The following ARFGEF3 variants were observed in gnomAD, a reference collection of about 807,000 sequenced individuals.
ARFGEF3 encodes the protein brefeldin A-inhibited guanine nucleotide-exchange protein 3.
A neutral mutation model predicts 221.7 loss-of-function variants in ARFGEF3; 96 were observed. The observed-to-expected ratio is 0.43, with a 90% CI of 0.37 to 0.51. The LOEUF is 0.51. ARFGEF3 is among the 20% of genes least tolerant of loss of function. The pLI is 0.00. For synonymous variants in ARFGEF3, 1,145 were observed against 1,126.8 expected (o/e 1.02, Z -0.32); for missense variants, 2,410 against 2,789.9 (o/e 0.86, Z 3.07).
chr6:138,192,414 G>A (rs1295121651), intron 2 of ARFGEF3, among the ~76,000 whole-genome samples: 1 of 152,206 alleles, frequency 6.6e-6, no homozygotes, highest in Non-Finnish European at 1.5e-5. Flanking sequence ...TTGAACCCGG[G>A]AGGTGGAGGT....
At chr6:138,330,962 C>G (rs1401627934) in intron 32 of ARFGEF3, among the ~76,000 whole-genome samples, 1 of 152,206 alleles carries the variant, frequency 6.6e-6, no homozygotes, top group Non-Finnish European at 1.5e-5. Flanking sequence ...AAAGATTGTG[C>G]AATCCTTTGA....
At chr6:138,188,942 A>G (rs982213604) in intron 2 of ARFGEF3, among the ~76,000 whole-genome samples, 4 of 152,234 alleles carry the variant, frequency 2.6e-5, no homozygotes, top group Non-Finnish European at 4.4e-5. Context: ...GATGTTCAGT[A>G]GTTGAAATAC....
At position 138,334,529 on chromosome 6, in the gene ARFGEF3, G is replaced by A; in HGVS notation, c.5683G>A (p.Ala1895Thr). Residue 1895 changes from alanine to threonine, a missense_variant, in exon 33 of 34, where the codon GCA becomes ACA. Ala to Thr is a moderately conservative substitution (Grantham distance 58). Transcript: ENST00000251691. The surrounding 1 kb of genome is among the most constrained non-coding windows in gnomAD (Gnocchi z 5.1). ...PLLSVQPVSN[A>T]DWVWLVKRLH... Reference sequence around the variant, plus strand: ...GCTCAGCGTCCAGCCTGTCAGCAACGCAGATTGGGTGTGGCTGGTCAAGAG... The same window carrying A: ...GCTCAGCGTCCAGCCTGTCAGCAACACAGATTGGGTGTGGCTGGTCAAGAG... 1.9e-6 allele frequency: 3 copies of A among 1,613,148 alleles called. No individual in the cohort carries two copies. Among genetic ancestry groups the A allele is most frequent in the South Asian group, 1.1e-5 (1 of 91,026 alleles).
chr6:138,294,177 C>G, intron 20 of ARFGEF3, 51 bp downstream of exon 20: 3 of 1,584,814 alleles, frequency 1.9e-6, no homozygotes, highest in Admixed American at 3.5e-5. Context: ...CAGGAAACAG[C>G]CCAGGCCTCT....
chr6:138,194,011 C>T (rs929059948), intron 2 of ARFGEF3, among the ~76,000 whole-genome samples: 6 of 152,114 alleles, frequency 3.9e-5, no homozygotes, highest in Non-Finnish European at 8.8e-5. Context: ...CGGTGGCTCA[C>T]GCCTGTAATC....
At chr6:138,283,641 A>G (rs933189400) in intron 14 of ARFGEF3, among the ~76,000 whole-genome samples, 2 of 152,208 alleles carry the variant, frequency 1.3e-5, no homozygotes, top group Non-Finnish European at 2.9e-5. Context: ...GCGCTGTACT[A>G]ACTGTGGCCA....
chr6:138,318,539 A>C (rs1401090996), intron 27 of ARFGEF3, among the ~76,000 whole-genome samples: 1 of 152,262 alleles, frequency 6.6e-6, no homozygotes, highest in Non-Finnish European at 1.5e-5. Flanking sequence ...ATAATTACTT[A>C]CAAAGCATTA....
chr6:138,184,139 T>C (rs1015192124), intron 2 of ARFGEF3, among the ~76,000 whole-genome samples: 1 of 152,196 alleles, frequency 6.6e-6, no homozygotes, highest in African/African-American at 2.4e-5. Context: ...CTATTTACCA[T>C]ATTAGAAACT....
chr6:138,334,203 C>A lies in ARFGEF3; in HGVS notation c.5357C>A (p.Thr1786Asn), dbSNP rs774142622. ...DSYRTAREFD[T>N]SPGLKCLLKK... ...TATAGGACTGCCAGGGAGTTTGACACCAGCCCCGGGCTGAAGTGCCTGCTG... is the reference window on the plus strand; with the variant it reads ...TATAGGACTGCCAGGGAGTTTGACAACAGCCCCGGGCTGAAGTGCCTGCTG... Residue 1786 changes from threonine (T) to asparagine (N), a missense_variant, in exon 33 of 34, where the codon ACC (threonine) becomes AAC (asparagine). Coordinates refer to ENST00000251691, the MANE Select transcript of ARFGEF3 (RefSeq NM_020340.5). The surrounding 1 kb of genome is among the most constrained non-coding windows in gnomAD (Gnocchi z 5.1). 6.2e-7 allele frequency: 1 copy of A among 1,613,848 alleles called. No individual in the cohort carries two copies. The highest frequency in any genetic ancestry group is 2.2e-5 in the East Asian group (1 of 44,842).
At chr6:138,241,600 G>C (rs1271409714) in intron 6 of ARFGEF3, among the ~76,000 whole-genome samples, 4 of 152,178 alleles carry the variant, frequency 2.6e-5, no homozygotes, top group African/African-American at 9.7e-5. Flanking sequence ...GTGCCCTAAA[G>C]CTGGCTTAAT....
intron 2 of ARFGEF3, among the ~76,000 whole-genome samples, chr6:138,204,692 G>T (rs1211106916): frequency 6.6e-6 from 1 of 152,134 alleles, no homozygotes; most frequent in Admixed American, 6.5e-5. Context: ...CTCCAACTCT[G>T]CAGGATTGGT....
chr6:138,166,209 TTAAC>T (rs1284139498), intron 1 of ARFGEF3, among the ~76,000 whole-genome samples: 7 of 152,236 alleles, frequency 4.6e-5, no homozygotes, highest in Non-Finnish European at 7.3e-5. Context: ...AATCAATACT[TTAAC>T]TACTTGTTTG....
chr6:138,306,153 C>T (rs150356300), intron 22 of ARFGEF3, among the ~76,000 whole-genome samples: 6 of 152,014 alleles, frequency 3.9e-5, no homozygotes, highest in African/African-American at 1.4e-4. Context: ...ATACTAAAAT[C>T]AACTGAATTT....
intron 4 of ARFGEF3, among the ~76,000 whole-genome samples, chr6:138,227,038 A>G (rs9494970): frequency 6.7e-6 from 1 of 149,050 alleles, no homozygotes; most frequent in Admixed American, 6.7e-5. Context: ...TTCAGGGTTG[A>G]TTTTGTTTTT....
Position 138,263,022 on chromosome 6 carries a change from G to A in ARFGEF3, c.1539G>A (p.Gln513=). 6 of 1,606,442 alleles carry A rather than the reference G, an allele frequency of 3.7e-6. No homozygotes were observed. Among genetic ancestry groups the A allele is most frequent in the South Asian group, 1.1e-5 (1 of 89,874 alleles). The change falls in exon 12 of 34, where the codon CAG becomes CAA. Residue 513 remains glutamine (Q), a synonymous_variant. Coordinates refer to ENST00000251691, the MANE Select transcript of ARFGEF3 (RefSeq NM_020340.5). ...ISISVTTDTG[Q]TTLEGELGQT... ...TCAGTGTCACCACAGACACAGGCCAGACCACTCTCGAGGGAGAGTTGGGTC... is the reference window on the plus strand; with the variant it reads ...TCAGTGTCACCACAGACACAGGCCAAACCACTCTCGAGGGAGAGTTGGGTC...
intron 7 of ARFGEF3, among the ~76,000 whole-genome samples, chr6:138,244,076 TATA>T (rs893461510): frequency 1.3e-5 from 2 of 152,210 alleles, no homozygotes; most frequent in Admixed American, 1.3e-4. Flanking sequence ...CTCTAAAAAA[TATA>T]GTAGTAAAAA....
intron 9 of ARFGEF3, 86 bp downstream of exon 9, chr6:138,254,070 C>A (rs1224350482): frequency 7.7e-6 from 6 of 781,576 alleles, no homozygotes; most frequent in South Asian, 1.9e-5. Flanking sequence ...TCCATGAAGT[C>A]CATGACCCAC....
rs767449376 is a variant in ARFGEF3, at chr6:138,334,212, G to A, written c.5366G>A (p.Gly1789Glu). The A allele has an allele frequency of 1.9e-6, 3 of 1,613,768 alleles. No homozygotes were observed. Among genetic ancestry groups the A allele is most frequent in the Admixed American group, 1.7e-5 (1 of 59,986 alleles). Residue 1789 changes from glycine (G) to glutamate (E), a missense_variant, in exon 33 of 34, where the codon GGG (glycine) becomes GAG (glutamate). Transcript: ENST00000251691. This position sits in a 1 kb window ranked among gnomAD's most constrained non-coding sequence, Gnocchi z 5.1. ...RTAREFDTSP[G>E]LKCLLKKVSG... The stretch of plus-strand genomic sequence containing the variant: ...GCCAGGGAGTTTGACACCAGCCCCG[G>A]GCTGAAGTGCCTGCTGAAGAAAGTG...
At chr6:138,309,184 G>A (rs1346311008) in intron 24 of ARFGEF3, among the ~76,000 whole-genome samples, 3 of 152,030 alleles carry the variant, frequency 2.0e-5, no homozygotes, top group African/African-American at 7.2e-5. Context: ...TCGGGCTCCA[G>A]GTCTAATCAC....
Sources: gnomAD v4.1 joint callset for allele counts (sites outside exome capture counted in the v4.1 genomes callset) on GRCh38, gnomAD v4.1.1 for gene constraint, Gnocchi (gnomAD v3.1) non-coding constraint, MANE v1.5 for transcripts, NCBI Gene and HGNC (gene_info 2026-07-23, HGNC 2026-07-21) for gene names.